Variants in MED1 observed in about 807,000 individuals in gnomAD.
MED1 encodes mediator of RNA polymerase II transcription subunit 1.
MED1 carries 17 observed loss-of-function variants against 121.3 expected under a neutral mutation model. The observed-to-expected ratio is 0.14, with a 90% confidence interval of 0.10 to 0.21. The LOEUF (loss-of-function observed/expected upper bound fraction) is 0.21, where lower values mean the gene tolerates loss of function less well. Ranked by LOEUF, MED1 falls within the 10% of genes least tolerant of loss-of-function variation. The pLI, the probability that MED1 is intolerant of heterozygous loss-of-function variation, is 1.00. For synonymous variants in MED1, 661 were observed against 694.4 expected, an observed-to-expected ratio of 0.95 and a Z score of 0.76; for missense variants, 1,558 against 1,919.4, an observed-to-expected ratio of 0.81 and a Z score of 3.52.
intron 13 of MED1, among the ~76,000 whole-genome samples, chr17:39,421,246 A>AG (rs2048462039): frequency 7.3e-6 from 1 of 137,708 alleles, no homozygotes; most frequent in African/African-American, 2.7e-5. Context: ...AGCAAAAAAA[A>AG]AAAAAAGAAA....
In MED1 at chr17:39,417,097, G is replaced by A. The variant is rs149799405; in HGVS notation, c.1298-1758C>T. Among the ~76,000 whole-genome samples, 204 of 151,416 alleles carry A rather than the reference G, an allele frequency of 1.3e-3. 1 individual carries two copies. The highest frequency in any genetic ancestry group is 4.6e-3 in the African/African-American group (188 of 41,240). On this transcript the variant is annotated intron_variant, in intron 14 of 16. Transcript: ENST00000300651. ...TGTAATCCCAGCACTTTGGGAGGCCGAGGCAGGCAGACCACTGAGGTCACG... is the reference window on the plus strand; with the variant it reads ...TGTAATCCCAGCACTTTGGGAGGCCAAGGCAGGCAGACCACTGAGGTCACG...
intron 2 of MED1, among the ~76,000 whole-genome samples, chr17:39,446,082 C>T (rs1019888574): frequency 6.6e-6 from 1 of 151,256 alleles, no homozygotes; most frequent in Non-Finnish European, 1.5e-5. Flanking sequence ...ACACTGTAAT[C>T]CTAACACTTT....
chr17:39,407,321 C>G lies in MED1; in HGVS notation c.*154G>C. 3.6e-6 allele frequency: 5 copies of G among 1,401,502 alleles called. No homozygotes were observed. The South Asian group carries it at 8.5e-5, about 24-fold the overall frequency. 86.8% of individuals were successfully genotyped at this position (1,401,502 alleles called of 1,614,324 possible). A position where few individuals can be genotyped will look rare whatever the true frequency, so the allele number is the denominator to read the frequency against. The stretch of plus-strand genomic sequence containing the variant: ...GTTTCTTTAATAGGGTCTGGATATG[C>G]CTTTCTAATTCACCCAGCTTGATGT... On this transcript the variant is annotated 3_prime_UTR_variant, in exon 17 of 17. Transcript: ENST00000300651.
intron 13 of MED1, among the ~76,000 whole-genome samples, chr17:39,422,552 C>G (rs2144736831): frequency 6.9e-6 from 1 of 144,754 alleles, no homozygotes; most frequent in South Asian, 2.4e-4. Flanking sequence ...TCTTGGCTCA[C>G]TGCAACCTCT....
chr17:39,435,496 A>G (rs1464089301), intron 6 of MED1, among the ~76,000 whole-genome samples: 1 of 152,070 alleles, frequency 6.6e-6, no homozygotes, highest in Non-Finnish European at 1.5e-5. Context: ...TTGAAAAAAA[A>G]AGCTCTCTGG....
intron 6 of MED1, among the ~76,000 whole-genome samples, chr17:39,437,994 G>A (rs967963482): frequency 1.3e-5 from 2 of 151,640 alleles, no homozygotes; most frequent in East Asian, 1.9e-4. Context: ...TCAGTGAGCC[G>A]AGACCGCACC....
chr17:39,447,415 A>T (rs1315643005), intron 2 of MED1, among the ~76,000 whole-genome samples: 4 of 151,850 alleles, frequency 2.6e-5, no homozygotes, highest in Non-Finnish European at 5.9e-5. Flanking sequence ...AACAAAAAAA[A>T]ACTTAGTTTC....
intron 13 of MED1, among the ~76,000 whole-genome samples, chr17:39,422,216 C>T (rs939647101): frequency 1.3e-5 from 2 of 151,168 alleles, no homozygotes; most frequent in Admixed American, 6.6e-5. Flanking sequence ...CAGGCTGAAG[C>T]GCAGTGGTGC....
rs1006527501 is a variant in MED1 at position 39,405,255 on chromosome 17, T to C, written c.*2220A>G. On this transcript the variant is annotated 3_prime_UTR_variant, in exon 17 of 17. Coordinates refer to ENST00000300651, the MANE Select transcript of MED1 (RefSeq NM_004774.4). ...CTGGGTCAGTGTGGGGGTGAGCCCA[T>C]CGACAATTCAGGGGCTTATCCTTCA... The C allele has an allele frequency of 6.2e-7, 1 of 1,600,728 alleles. No homozygotes were observed. Among genetic ancestry groups the C allele is most frequent in the African/African-American group, 1.3e-5 (1 of 74,780 alleles).
In MED1 at chr17:39,440,559, A is replaced by G; in HGVS notation, c.267-41T>C. On this transcript the variant is annotated intron_variant, in intron 4 of 16. Transcript: ENST00000300651. The surrounding 1 kb of genome is among the most constrained non-coding windows in gnomAD (Gnocchi z 4.1). ...CAAAACAAAAATTAATAGAAGACAC[A>G]TAAATAAAGCCACCCAAAGTTAACA... 2 of 1,612,482 alleles carry G rather than the reference A, an allele frequency of 1.2e-6. No individual in the cohort carries two copies. Among genetic ancestry groups the G allele is most frequent in the South Asian group, 1.1e-5 (1 of 90,564 alleles).
At chr17:39,420,700 T>C (rs1268589103) in intron 13 of MED1, among the ~76,000 whole-genome samples, 1 of 151,670 alleles carries the variant, frequency 6.6e-6, no homozygotes, top group Non-Finnish European at 1.5e-5. Context: ...AATTGTGCAA[T>C]CTTGGCTCAT....
chr17:39,431,986 G>C lies in MED1; in HGVS notation c.531C>G (p.Leu177=), dbSNP rs1158743911. 2 of 1,608,530 alleles carry C rather than the reference G, an allele frequency of 1.2e-6. No individual in the cohort carries two copies. The highest frequency in any genetic ancestry group is 2.7e-5 in the African/African-American group (2 of 74,760). The part of the protein sequence containing the change: ...NKLKTKMYLA[L]QSLEQDLSKM... ...TAGAAAGATCTTGTTCTAAGGATTG[G>C]AGAGCCAAGTACATTTTAGTCTTCA... The change falls in exon 8 of 17, where the codon CTC becomes CTG. Residue 177 remains leucine, a synonymous_variant. Coordinates refer to ENST00000300651, the MANE Select transcript of MED1 (RefSeq NM_004774.4).
intron 5 of MED1, among the ~76,000 whole-genome samples, chr17:39,439,977 AGAAAGAAAGAAG>A (rs2048656764): frequency 3.8e-5 from 5 of 130,038 alleles, no homozygotes; most frequent in African/African-American, 1.4e-4. Context: ...AAAGAAAGAA[AGAAAGAAAGAAG>A]GAAGGAAGGA....
In MED1 at chr17:39,443,586, C is replaced by T. The variant is rs2144771025; in HGVS notation, c.175G>A (p.Val59Ile). 1.2e-6 allele frequency: 2 copies of T among 1,613,986 alleles called. No homozygotes were observed. The highest frequency in any genetic ancestry group is 1.6e-4 in the Middle Eastern group (1 of 6,062). Residue 59 changes from valine (V) to isoleucine (I), a missense_variant, in exon 3 of 17, where the codon GTC becomes ATC. By Grantham distance (29) the Val-to-Ile change is conservative (BLOSUM62 3). Transcript: ENST00000300651. ...VMSSGGHQHL[V>I]SCLETLQKAL... is the part of the protein sequence containing the mutation. Reference sequence around the variant, plus strand: ...TTCTGCAATGTCTCCAAACAGCTGACCAAATGTTGATGCCCTCCAGAACTC... The same window carrying T: ...TTCTGCAATGTCTCCAAACAGCTGATCAAATGTTGATGCCCTCCAGAACTC...
chr17:39,450,615 T>G (rs2048773462), intron 1 of MED1, among the ~76,000 whole-genome samples: 1 of 152,164 alleles, frequency 6.6e-6, no homozygotes, highest in Non-Finnish European at 1.5e-5. Context: ...TGGCACAGGA[T>G]CTGAACACTT....
At chr17:39,424,767 C>T in intron 10 of MED1, 29 bp from the exon 11 acceptor site, 1 of 1,299,994 alleles carries the variant, frequency 7.7e-7, no homozygotes, top group South Asian at 1.2e-5. Context: ...AAGGGTATTC[C>T]TCAAAGTAAT....
At chr17:39,435,847 G>A (rs751942208) in intron 6 of MED1, among the ~76,000 whole-genome samples, 2 of 151,882 alleles carry the variant, frequency 1.3e-5, no homozygotes, top group African/African-American at 4.8e-5. Flanking sequence ...AATTACAGAC[G>A]AGCACCACCA....
rs540977215 is a variant in MED1, at chr17:39,405,910, G to T, written c.*1565C>A. 7.1e-6 allele frequency: 7 copies of T among 981,350 alleles called. No individual in the cohort carries two copies. The African/African-American group carries it at 1.2e-4, about 17-fold the overall frequency. The allele number at this position is 981,350 out of a possible 1,614,324, so 60.8% of individuals were successfully genotyped here. ...ACATAACACACAAAGGAATCACCTG[G>T]CTTTTTTTTTTTAACCCAGAAGAGT... On this transcript the variant is annotated 3_prime_UTR_variant, in exon 17 of 17. Transcript: ENST00000300651.
rs1464431066 is a variant in MED1, at chr17:39,405,479, G to A, written c.*1996C>T. The A allele has an allele frequency of 7.1e-7, 1 of 1,403,594 alleles. No homozygotes were observed. The highest frequency in any genetic ancestry group is 1.5e-5 in the African/African-American group (1 of 68,754). 86.9% of individuals were successfully genotyped at this position (1,403,594 alleles called of 1,614,324 possible). A position where few individuals can be genotyped will look rare whatever the true frequency, so the allele number is the denominator to read the frequency against. ...CATAAATTTTTTTTTTTTTCCTGCAGAAACCAACGGGATAGGATTCAAAAC... is the reference window on the plus strand; with the variant it reads ...CATAAATTTTTTTTTTTTTCCTGCAAAAACCAACGGGATAGGATTCAAAAC... On this transcript the variant is annotated 3_prime_UTR_variant, in exon 17 of 17. Coordinates refer to ENST00000300651, the MANE Select transcript of MED1 (RefSeq NM_004774.4).
Sources: allele counts gnomAD v4.1 joint callset (sites outside exome capture counted in the v4.1 genomes callset), GRCh38; gene constraint gnomAD v4.1.1; non-coding constraint Gnocchi (gnomAD v3.1); transcripts MANE v1.5; gene names NCBI Gene and HGNC (gene_info 2026-07-23, HGNC 2026-07-21).